The following SPIRE1 variants were observed in gnomAD, a reference collection of about 807,000 sequenced individuals.
The protein encoded by SPIRE1 is spire type actin nucleation factor 1.
SPIRE1 carries 40 observed loss-of-function variants against 94.1 expected under a neutral mutation model. The ratio of observed to expected loss-of-function variants is 0.43; its 90% CI spans 0.33 to 0.55. The LOEUF (loss-of-function observed/expected upper bound fraction) is 0.55. Among genes scored for constraint, SPIRE1 ranks in the 20% least tolerant of loss-of-function variants. The pLI, the probability that SPIRE1 is intolerant of heterozygous loss-of-function variation, is 0.06. For missense variants in SPIRE1, 838 were observed against 975.2 expected (o/e 0.86, Z 1.87); for synonymous variants, 376 against 371.7 (o/e 1.01, Z -0.13).
At chr18:12,593,251 G>A (rs917728205) in intron 2 of SPIRE1, among the ~76,000 whole-genome samples, 1 of 152,140 alleles carries the variant, frequency 6.6e-6, no homozygotes, top group African/African-American at 2.4e-5. Flanking sequence ...ATACAGATGT[G>A]AGAATTACTA....
At position 12,615,348 on chromosome 18, in the gene SPIRE1, ATATAT is replaced by A; in HGVS notation, c.372+19709_372+19713del. 2.8e-5 allele frequency among the ~76,000 whole-genome samples: 2 copies of A among 72,440 alleles called. 1 individual carries two copies. Among genetic ancestry groups the A allele is most frequent in the Non-Finnish European group, 5.5e-5 (2 of 36,092 alleles). The allele number at this position is 72,440 out of a possible 152,430, so 47.5% of individuals were successfully genotyped here. ...GTCTCAAAAAAAAAAAAAAAAAAAT[ATATAT>A]ATATATATATATATATATATGCATG... On this transcript the variant is annotated intron_variant, in intron 2 of 16. Coordinates refer to ENST00000409402, the MANE Select transcript of SPIRE1 (RefSeq NM_001128626.2).
intron 12 of SPIRE1, among the ~76,000 whole-genome samples, chr18:12,460,595 C>T (rs2031745443): frequency 6.6e-6 from 1 of 151,962 alleles, no homozygotes; most frequent in Non-Finnish European, 1.5e-5. Flanking sequence ...GCCTATAATC[C>T]CAACTACTTG....
At chr18:12,646,007 G>C (rs548459539) in intron 1 of SPIRE1, among the ~76,000 whole-genome samples, 1 of 152,318 alleles carries the variant, frequency 6.6e-6, no homozygotes, top group South Asian at 2.1e-4. Flanking sequence ...ATCCTGTTGA[G>C]AACTCTTGGG....
intron 1 of SPIRE1, among the ~76,000 whole-genome samples, chr18:12,655,811 C>T (rs2038522682): frequency 6.6e-6 from 1 of 152,210 alleles, no homozygotes; most frequent in African/African-American, 2.4e-5. Context: ...TTGTTCTCTC[C>T]GGAAATCACC....
chr18:12,474,975 T>C (rs1257053152), intron 10 of SPIRE1, among the ~76,000 whole-genome samples: 2 of 152,218 alleles, frequency 1.3e-5, no homozygotes, highest in Non-Finnish European at 2.9e-5. Flanking sequence ...TACTGTCTTC[T>C]ACAGCCCTGA....
chr18:12,561,529 GT>G (rs1216462316), intron 2 of SPIRE1, among the ~76,000 whole-genome samples: 1 of 152,100 alleles, frequency 6.6e-6, no homozygotes, highest in Non-Finnish European at 1.5e-5. Flanking sequence ...GCCTCCCGAA[GT>G]GCTGGGATTA....
chr18:12,546,604 G>C (rs34933611), intron 3 of SPIRE1, 70 bp downstream of exon 3: 92,122 of 1,175,480 alleles, frequency 0.078, 4,161 homozygotes, highest in Non-Finnish European at 0.092. Context: ...ATCTCTCCAG[G>C]GGGGGAAAAA....
intron 10 of SPIRE1, among the ~76,000 whole-genome samples, chr18:12,474,357 G>A (rs2032475405): frequency 6.6e-6 from 1 of 152,178 alleles, no homozygotes; most frequent in South Asian, 2.1e-4. Flanking sequence ...ACTCCCTCTT[G>A]GAATGGAAAA....
chr18:12,637,118 G>C (rs1208946336), intron 1 of SPIRE1, among the ~76,000 whole-genome samples: 2 of 152,174 alleles, frequency 1.3e-5, no homozygotes, highest in Non-Finnish European at 2.9e-5. Flanking sequence ...CCAGCACTTT[G>C]GGAGACCGAG....
At chr18:12,576,141 T>G (rs2036087189) in intron 2 of SPIRE1, among the ~76,000 whole-genome samples, 1 of 151,824 alleles carries the variant, frequency 6.6e-6, no homozygotes, top group Non-Finnish European at 1.5e-5. Context: ...AGGGAGAGGT[T>G]GCAGTGAGCC....
intron 2 of SPIRE1, among the ~76,000 whole-genome samples, chr18:12,589,878 C>T (rs777442940): frequency 7.2e-5 from 11 of 152,162 alleles, no homozygotes; most frequent in Non-Finnish European, 1.5e-4. Context: ...TTTAATGCAA[C>T]AATGATATCC....
At chr18:12,551,921 C>T (rs1444579679) in intron 2 of SPIRE1, among the ~76,000 whole-genome samples, 1 of 152,114 alleles carries the variant, frequency 6.6e-6, no homozygotes, top group East Asian at 1.9e-4. Flanking sequence ...GATGCCACCC[C>T]TCCTCCACCT....
chr18:12,479,988 C>T, intron 9 of SPIRE1, 117 bp from the exon 10 acceptor site: 1 of 920,674 alleles, frequency 1.1e-6, no homozygotes, highest in Non-Finnish European at 1.6e-6. Flanking sequence ...TCAGTAACAC[C>T]TTGCCTATGT....
intron 13 of SPIRE1, among the ~76,000 whole-genome samples, 173 bp from the exon 14 acceptor site, chr18:12,453,311 C>T (rs2031336966): frequency 6.6e-6 from 1 of 152,114 alleles, no homozygotes; most frequent in African/African-American, 2.4e-5. Flanking sequence ...GATAATGTAG[C>T]TCTGTATTTA....
intron 7 of SPIRE1, 28 bp downstream of exon 7, chr18:12,495,988 A>G: frequency 1.3e-6 from 2 of 1,515,314 alleles, no homozygotes; most frequent in Non-Finnish European, 1.8e-6. Flanking sequence ...GATATCTCCA[A>G]TCTAGAGAAC....
intron 1 of SPIRE1, among the ~76,000 whole-genome samples, chr18:12,635,862 G>C (rs146974709): frequency 6.6e-6 from 1 of 151,348 alleles, no homozygotes; most frequent in African/African-American, 2.4e-5. Context: ...ATTATACTGC[G>C]TACTAGAAAA....
At chr18:12,616,036 G>C (rs946753839) in intron 2 of SPIRE1, among the ~76,000 whole-genome samples, 1 of 151,054 alleles carries the variant, frequency 6.6e-6, no homozygotes, top group African/African-American at 2.4e-5. Context: ...CAAGCTCTTC[G>C]TTTTTTTTTT....
intron 2 of SPIRE1, among the ~76,000 whole-genome samples, chr18:12,626,848 G>A (rs1174155579): frequency 3.6e-5 from 5 of 139,632 alleles, no homozygotes; most frequent in African/African-American, 1.3e-4. Context: ...AACAGTACTT[G>A]GAATATAGTA....
At chr18:12,610,471 G>C (rs1171998285) in intron 2 of SPIRE1, among the ~76,000 whole-genome samples, 1 of 152,046 alleles carries the variant, frequency 6.6e-6, no homozygotes, top group Admixed American at 6.6e-5. Flanking sequence ...TTCTTAAGCA[G>C]GTTAAATTCT....
Sources: gnomAD v4.1 joint callset for allele counts (sites outside exome capture counted in the v4.1 genomes callset) on GRCh38, gnomAD v4.1.1 for gene constraint, MANE v1.5 for transcripts, NCBI Gene and HGNC (gene_info 2026-07-23, HGNC 2026-07-21) for gene names.